The following GAS7 variants were observed in gnomAD, a reference collection of about 807,000 sequenced individuals.
The protein encoded by GAS7 is growth arrest-specific protein 7.
A neutral mutation model predicts 71.1 loss-of-function variants in GAS7; 28 were observed. The observed-to-expected ratio is 0.39, with a 90% CI of 0.29 to 0.54. The LOEUF is 0.54. Among genes scored for constraint, GAS7 ranks in the 20% least tolerant of loss-of-function variants. The pLI is 0.62. For synonymous variants in GAS7, 258 were observed against 245.8 expected (o/e 1.05, Z -0.46); for missense variants, 436 against 627.8 (o/e 0.69, Z 3.27).
chr17:10,117,959 T>A (rs1233407857), intron 1 of GAS7, among the ~76,000 whole-genome samples: 3 of 152,098 alleles, frequency 2.0e-5, no homozygotes, highest in Non-Finnish European at 4.4e-5. Context: ...AAACTAGCCA[T>A]TTACTGAGCT....
chr17:9,973,385 C>T (rs2070051186), intron 3 of GAS7, among the ~76,000 whole-genome samples: 1 of 151,936 alleles, frequency 6.6e-6, no homozygotes, highest in Non-Finnish European at 1.5e-5. Flanking sequence ...TCCCGAGTAG[C>T]TGGGATTACA....
intron 2 of GAS7, among the ~76,000 whole-genome samples, chr17:10,008,131 T>A (rs896682621): frequency 6.6e-6 from 1 of 152,230 alleles, no homozygotes; most frequent in Non-Finnish European, 1.5e-5. Flanking sequence ...TATCCATTCA[T>A]CAGTTGATGG....
At chr17:9,998,796 G>A (rs1328592104) in intron 2 of GAS7, among the ~76,000 whole-genome samples, 7 of 151,674 alleles carry the variant, frequency 4.6e-5, no homozygotes, top group Admixed American at 1.3e-4. Flanking sequence ...CCATCCTTAC[G>A]CCTGCATTCC....
chr17:10,105,113 T>G (rs1426599526), intron 1 of GAS7, among the ~76,000 whole-genome samples: 1 of 152,222 alleles, frequency 6.6e-6, no homozygotes, highest in Non-Finnish European at 1.5e-5. Context: ...TCTGGCCACA[T>G]ACGGCTATTT....
chr17:10,096,447 A>G (rs1470091680), intron 1 of GAS7, among the ~76,000 whole-genome samples: 1 of 152,174 alleles, frequency 6.6e-6, no homozygotes. Flanking sequence ...TCCAAGCACA[A>G]GTCCTTCAGG....
chr17:9,933,044 C>G (rs796937099), intron 9 of GAS7, among the ~76,000 whole-genome samples: 1 of 151,852 alleles, frequency 6.6e-6, no homozygotes, highest in Non-Finnish European at 1.5e-5. Flanking sequence ...TGGTGGCAGG[C>G]GCCTGTAGTC....
At chr17:10,041,057 G>A (rs981714557) in intron 1 of GAS7, among the ~76,000 whole-genome samples, 38 of 151,814 alleles carry the variant, frequency 2.5e-4, no homozygotes, top group African/African-American at 8.7e-4. Flanking sequence ...AGCTACCAGG[G>A]AGGCTGAGAC....
At chr17:9,935,802 C>T (rs16959044) in intron 8 of GAS7, among the ~76,000 whole-genome samples, 2,848 of 152,292 alleles carry the variant, frequency 0.019, 100 homozygotes, top group African/African-American at 0.063. Context: ...GAGTATGAAA[C>T]GGGGCAATCC....
At chr17:10,042,140 C>T (rs987983915) in intron 1 of GAS7, among the ~76,000 whole-genome samples, 4 of 151,848 alleles carry the variant, frequency 2.6e-5, no homozygotes, top group East Asian at 1.9e-4. Context: ...ATTAAAAATA[C>T]GAAAATTAGC....
chr17:10,090,830 T>C (rs2073574442), intron 1 of GAS7, among the ~76,000 whole-genome samples: 2 of 152,112 alleles, frequency 1.3e-5, no homozygotes, highest in Admixed American at 6.5e-5. Flanking sequence ...CCTCAGAACA[T>C]GATTACTCCA....
rs570139689 is a variant in GAS7, at chr17:10,129,959, G to T, written c.183+68249C>A. 2.0e-5 allele frequency among the ~76,000 whole-genome samples: 3 copies of T among 152,190 alleles called. No individual in the cohort carries two copies. The South Asian group carries it at 6.2e-4, about 32-fold the overall frequency. ...GAGGCCAAGGCAGGTGGATCGCGAG[G>T]TCAGGAGTTCAAGACCAGCCTGGCC... On this transcript the variant is annotated intron_variant, in intron 1 of 13. Transcript: ENST00000432992.
At chr17:9,999,742 C>T (rs772930191) in intron 2 of GAS7, among the ~76,000 whole-genome samples, 3 of 152,152 alleles carry the variant, frequency 2.0e-5, no homozygotes, top group East Asian at 1.9e-4. Flanking sequence ...TGAACCAGCA[C>T]TGTAAAACAT....
At chr17:9,934,332 G>C (rs761783222) in intron 8 of GAS7, 88 bp from the exon 9 acceptor site, 268 of 852,362 alleles carry the variant, frequency 3.1e-4, no homozygotes, top group Non-Finnish European at 4.6e-4. Context: ...GTCTCGGGGA[G>C]GTATATGACA....
At chr17:10,182,919 ATAGCCTTTTCCTCAT>A (rs2074426733) in intron 1 of GAS7, among the ~76,000 whole-genome samples, 1 of 152,130 alleles carries the variant, frequency 6.6e-6, no homozygotes, top group East Asian at 1.9e-4. Context: ...CTCCCAATAA[ATAGCCTTTTCCTCAT>A]TACAAAAAGA....
intron 9 of GAS7, among the ~76,000 whole-genome samples, chr17:9,933,912 C>G (rs2068296261): frequency 6.6e-6 from 1 of 152,130 alleles, no homozygotes; most frequent in Non-Finnish European, 1.5e-5. Flanking sequence ...CCTAACTACA[C>G]TTTACTATTT....
At chr17:10,134,551 T>A (rs2074024007) in intron 1 of GAS7, among the ~76,000 whole-genome samples, 1 of 152,228 alleles carries the variant, frequency 6.6e-6, no homozygotes, top group Non-Finnish European at 1.5e-5. Context: ...ACCAACACTG[T>A]GCAAAGATCC....
intron 1 of GAS7, among the ~76,000 whole-genome samples, chr17:10,124,795 G>A (rs1255848080): frequency 6.6e-6 from 1 of 152,082 alleles, no homozygotes; most frequent in Non-Finnish European, 1.5e-5. Context: ...GTGCGCACCT[G>A]TAATCCCAGC....
intron 1 of GAS7, among the ~76,000 whole-genome samples, chr17:10,037,637 C>A (rs1477874154): frequency 1.3e-5 from 2 of 151,466 alleles, no homozygotes; most frequent in Non-Finnish European, 2.9e-5. Context: ...CATACTAGCT[C>A]CAAGACCCTG....
intron 1 of GAS7, among the ~76,000 whole-genome samples, chr17:10,093,053 G>A (rs919636638): frequency 2.0e-5 from 3 of 152,188 alleles, no homozygotes; most frequent in African/African-American, 7.2e-5. Context: ...CCAGTCTTTA[G>A]TCCACCATAC....
Sources: gnomAD v4.1 joint callset for allele counts (sites outside exome capture counted in the v4.1 genomes callset) on GRCh38, gnomAD v4.1.1 for gene constraint, MANE v1.5 for transcripts, NCBI Gene and HGNC (gene_info 2026-07-23, HGNC 2026-07-21) for gene names.